The following CGAS variants were observed in gnomAD, a reference collection of about 807,000 sequenced individuals.
CGAS encodes 2'3'-cGAMP synthase.
In CGAS, 31 loss-of-function variants were observed where a neutral mutation model predicts 34.0. The ratio of observed to expected loss-of-function variants is 0.91; its 90% CI spans 0.69 to 1.23. The LOEUF (loss-of-function observed/expected upper bound fraction) is 1.23, where lower values mean the gene tolerates loss of function less well. Among genes scored for constraint, CGAS ranks in the 50% most tolerant of loss-of-function variants. The probability of loss-of-function intolerance (pLI) is 0.00; values close to 1 mark genes in which losing one functional copy is unlikely to be tolerated. For synonymous variants in CGAS, 266 were observed against 260.0 expected (o/e 1.02, Z -0.22); for missense variants, 597 against 657.6 (o/e 0.91, Z 1.01).
At chr6:73,426,003 AGCCGGGCGCGGTG>A (rs1435108212) in intron 4 of CGAS, among the ~76,000 whole-genome samples, 1 of 133,762 alleles carries the variant, frequency 7.5e-6, no homozygotes, top group African/African-American at 2.8e-5. Context: ...AAAACAAAAA[AGCCGGGCGCGGTG>A]GCTCATGCCT....
At chr6:73,436,820 G>A (rs948868956) in intron 3 of CGAS, among the ~76,000 whole-genome samples, 1 of 149,560 alleles carries the variant, frequency 6.7e-6, no homozygotes, top group African/African-American at 2.5e-5. Context: ...TTACATGAAT[G>A]AGAGAGAGAG....
intron 3 of CGAS, among the ~76,000 whole-genome samples, chr6:73,436,920 G>A (rs1053386356): frequency 6.6e-6 from 1 of 152,154 alleles, no homozygotes; most frequent in Non-Finnish European, 1.5e-5. Flanking sequence ...GGAGGCCAAG[G>A]TGGGTGGACC....
chr6:73,433,994 A>C (rs1770238115), intron 3 of CGAS, among the ~76,000 whole-genome samples: 1 of 152,162 alleles, frequency 6.6e-6, no homozygotes, highest in South Asian at 2.1e-4. Context: ...TTATATGAGA[A>C]TGTAAAGGGT....
Position 73,451,984 on chromosome 6 carries a change from C to A in CGAS, c.198G>T (p.Pro66=). 1 of 1,478,832 alleles carries A rather than the reference C, an allele frequency of 6.8e-7. No individual in the cohort carries two copies. Among genetic ancestry groups the A allele is most frequent in the Admixed American group, 2.6e-5 (1 of 39,152 alleles). 91.6% of individuals were successfully genotyped at this position (1,478,832 alleles called of 1,614,324 possible). A position where few individuals can be genotyped will look rare whatever the true frequency, so the allele number is the denominator to read the frequency against. ...GGACGGGCGGCCTCTCCTGGGTGTC[C>A]GGGGCGCTCTTTTTCTGCCGGGATC... The part of the protein sequence containing the change: ...KSGSRQKKSA[P]DTQERPPVRA... Residue 66 remains proline (P), a synonymous_variant, in exon 1 of 5, where the codon CCG becomes CCT. Coordinates refer to ENST00000370315, the MANE Select transcript of CGAS (RefSeq NM_138441.3).
intron 3 of CGAS, among the ~76,000 whole-genome samples, chr6:73,430,058 T>TA (rs1000380333): frequency 1.3e-5 from 2 of 152,052 alleles, no homozygotes; most frequent in East Asian, 3.9e-4. Flanking sequence ...CGTTCATCAT[T>TA]AAAAAAACAC....
rs1435497613 is a variant in CGAS, at chr6:73,451,771, C to A, written c.411G>T (p.Gly137=). ...GGCCGGGGCTGGGCACGTCCCAGGG[C>A]CCGGGCGGAGGTCTTGGCTTCGTGG... is the stretch of plus-strand genomic sequence containing the variant. ...RCSTKPRPPP[G]PWDVPSPGLP... Residue 137 remains glycine, a synonymous_variant, in exon 1 of 5, where the codon GGG becomes GGT. Transcript: ENST00000370315. 7.0e-5 allele frequency: 112 copies of A among 1,599,398 alleles called. No individual in the cohort carries two copies. The highest frequency in any genetic ancestry group is 9.0e-5 in the Non-Finnish European group (106 of 1,173,950).
At position 73,425,392 on chromosome 6, in the gene CGAS, C is replaced by G; in HGVS notation, c.1404G>C (p.Val468=). The change falls in exon 5 of 5, where the codon GTG becomes GTC. Residue 468 remains valine (V), a synonymous_variant. Coordinates refer to ENST00000370315, the MANE Select transcript of CGAS (RefSeq NM_138441.3). ...KDLGLCFDNC[V]TYFLQCLRTE... The stretch of plus-strand genomic sequence containing the variant: ...TCCTGAGGCACTGAAGAAAGTATGT[C>G]ACGCAGTTATCAAAGCAGAGGCCCA... 1.2e-6 allele frequency: 2 copies of G among 1,613,844 alleles called. No individual in the cohort carries two copies. Among genetic ancestry groups the G allele is most frequent in the Non-Finnish European group, 1.7e-6 (2 of 1,179,986 alleles).
intron 4 of CGAS, among the ~76,000 whole-genome samples, chr6:73,426,016 G>A (rs1582647730): frequency 6.8e-6 from 1 of 146,370 alleles, no homozygotes; most frequent in African/African-American, 2.5e-5. Flanking sequence ...CGGGCGCGGT[G>A]GCTCATGCCT....
intron 3 of CGAS, among the ~76,000 whole-genome samples, chr6:73,433,691 G>A (rs1486345837): frequency 2.0e-5 from 3 of 151,808 alleles, no homozygotes; most frequent in Non-Finnish European, 4.4e-5. Context: ...GTCTTACCAT[G>A]TTGGCCAGGA....
intron 3 of CGAS, among the ~76,000 whole-genome samples, chr6:73,436,269 C>CAATCAAAATA (rs1562292335): frequency 6.6e-6 from 1 of 151,710 alleles, no homozygotes; most frequent in African/African-American, 2.4e-5. Flanking sequence ...TACAATAAAC[C>CAATCAAAATA]AATATTGATA....
At chr6:73,449,073 A>G (rs976924843) in intron 1 of CGAS, among the ~76,000 whole-genome samples, 1 of 152,030 alleles carries the variant, frequency 6.6e-6, no homozygotes, top group African/African-American at 2.4e-5. Flanking sequence ...TGGGTGACAG[A>G]GCAAGACTCC....
chr6:73,439,510 A>G (rs1343742412), intron 3 of CGAS, among the ~76,000 whole-genome samples: 2 of 151,828 alleles, frequency 1.3e-5, no homozygotes, highest in African/African-American at 2.4e-5. Context: ...AAGAAAGAAA[A>G]AAAAAAGTTA....
At chr6:73,440,132 G>T (rs1211993803) in intron 3 of CGAS, 77 bp downstream of exon 3, 1 of 1,311,258 alleles carries the variant, frequency 7.6e-7, no homozygotes, top group Non-Finnish European at 1.0e-6. Flanking sequence ...TTGGTTGGCT[G>T]TTGATCTTTT....
intron 1 of CGAS, 99 bp downstream of exon 1, chr6:73,451,426 T>A (rs1185777847): frequency 7.6e-7 from 1 of 1,314,824 alleles, no homozygotes; most frequent in Non-Finnish European, 1.0e-6. Flanking sequence ...CTAAGTTACT[T>A]CCGAAGGGAA....
chr6:73,436,437 T>C (rs896682615), intron 3 of CGAS, among the ~76,000 whole-genome samples: 34 of 100,812 alleles, frequency 3.4e-4, no homozygotes, highest in African/African-American at 1.2e-3. Flanking sequence ...ATGTAATATG[T>C]CATATAATAT....
In CGAS at chr6:73,428,830, A is replaced by G; in HGVS notation, c.1115-19T>C. On this transcript the variant is annotated intron_variant, in intron 3 of 4. Transcript: ENST00000370315. Reference sequence around the variant, plus strand: ...GTTTCTTCTTAATTTCAAAAAGAAAAACAAAAAAGCACTTTACCCAAAGCA... The same window carrying G: ...GTTTCTTCTTAATTTCAAAAAGAAAGACAAAAAAGCACTTTACCCAAAGCA... 2 of 1,594,296 alleles carry G rather than the reference A, an allele frequency of 1.3e-6. No individual in the cohort carries two copies. Among genetic ancestry groups the G allele is most frequent in the Non-Finnish European group, 1.7e-6 (2 of 1,169,022 alleles).
chr6:73,451,770 G>A lies in CGAS; in HGVS notation c.412C>T (p.Pro138Ser), dbSNP rs753472477. The change falls in exon 1 of 5, where the codon CCC (proline) becomes TCC (serine). Residue 138 changes from proline (P) to serine (S), a missense_variant. Pro to Ser is a moderately conservative substitution (Grantham distance 74). Around this residue, in one of 3 missense-constraint regions of CGAS, gnomAD observed 321 missense variants for 314.3 expected, o/e 1.02. Transcript: ENST00000370315. ...AGGCCGGGGCTGGGCACGTCCCAGG[G>A]CCCGGGCGGAGGTCTTGGCTTCGTG... is the stretch of plus-strand genomic sequence containing the variant. Reference protein sequence around the residue: ...CSTKPRPPPGPWDVPSPGLPV... With the variant: ...CSTKPRPPPGSWDVPSPGLPV... 2 of 1,599,682 alleles carry A rather than the reference G, an allele frequency of 1.3e-6. No individual in the cohort carries two copies. The highest frequency in any genetic ancestry group is 2.2e-5 in the South Asian group (2 of 89,694).
chr6:73,450,529 T>A lies in CGAS; in HGVS notation c.657+996A>T, dbSNP rs577860357. 9.9e-5 allele frequency among the ~76,000 whole-genome samples: 15 copies of A among 152,230 alleles called. No homozygotes were observed. In the South Asian group the frequency reaches 2.9e-3, roughly 29 times the overall value. On this transcript the variant is annotated intron_variant, in intron 1 of 4. Transcript: ENST00000370315. ...TCTAAACTTTCAATTTACACAGGAATGATTAATGACTCAATCACCCACAAG... is the reference window on the plus strand; with the variant it reads ...TCTAAACTTTCAATTTACACAGGAAAGATTAATGACTCAATCACCCACAAG...
At chr6:73,427,008 G>A (rs940776312) in intron 4 of CGAS, among the ~76,000 whole-genome samples, 5 of 151,612 alleles carry the variant, frequency 3.3e-5, no homozygotes, top group Admixed American at 6.6e-5. Context: ...ATGCCACCTC[G>A]CCCGGCTAAT....
Sources: gnomAD v4.1 joint callset for allele counts (sites outside exome capture counted in the v4.1 genomes callset) on GRCh38, gnomAD v4.1.1 for gene constraint, gnomAD v4.1.1 regional missense constraint, MANE v1.5 for transcripts, NCBI Gene and HGNC (gene_info 2026-07-23, HGNC 2026-07-21) for gene names.